PPP6R3: variants seen among roughly 807,000 people sequenced by gnomAD.
PPP6R3 encodes the protein serine/threonine-protein phosphatase 6 regulatory subunit 3.
PPP6R3 carries 38 observed loss-of-function variants against 110.7 expected under a neutral mutation model. That is an observed-to-expected ratio of 0.34 (90% CI 0.26 to 0.45). PPP6R3 has a LOEUF of 0.45. PPP6R3 is among the 20% of genes least tolerant of loss of function. The pLI is 1.00. For synonymous variants in PPP6R3, 369 were observed against 373.5 expected, an observed-to-expected ratio of 0.99 and a Z score of 0.14; for missense variants, 870 against 1,062.4, an observed-to-expected ratio of 0.82 and a Z score of 2.52.
rs760833599 is a variant in PPP6R3, at chr11:68,611,903, C to T, written c.2571-1163C>T. ...CCACAGTTCCTTGGATTGGCAGGCG[C>T]GCTGTTTCCTGTCACACTTAAAGAT... On this transcript the variant is annotated intron_variant, in intron 23 of 23. Transcript: ENST00000393800. 3.3e-5 allele frequency among the ~76,000 whole-genome samples: 5 copies of T among 152,350 alleles called. No homozygotes were observed. In the East Asian group the frequency reaches 5.8e-4, roughly 18 times the overall value.
At chr11:68,551,930 A>G (rs1161824058) in intron 6 of PPP6R3, among the ~76,000 whole-genome samples, 1 of 152,168 alleles carries the variant, frequency 6.6e-6, no homozygotes, top group Admixed American at 6.5e-5. Flanking sequence ...TATACTTCCT[A>G]GCCGTGGCTG....
At chr11:68,514,042 G>A (rs969268103) in intron 1 of PPP6R3, among the ~76,000 whole-genome samples, 2 of 152,284 alleles carry the variant, frequency 1.3e-5, no homozygotes, top group East Asian at 1.9e-4. Flanking sequence ...ATTACCACCC[G>A]TAGTTATACG....
rs78465274 is a variant in PPP6R3, at chr11:68,520,205, A to G, written c.-7+554A>G. Among the ~76,000 whole-genome samples the G allele has an allele frequency of 7.5e-3, 1,150 of 152,352 alleles. 5 individuals carry two copies. The highest frequency in any genetic ancestry group is 0.012 in the Non-Finnish European group (837 of 68,034). Reference sequence around the variant, plus strand: ...AGGTCCTTTTGGGGGACATGCAAACATAGTTAATCAAATTTCACTTGTCCC... The same window carrying G: ...AGGTCCTTTTGGGGGACATGCAAACGTAGTTAATCAAATTTCACTTGTCCC... On this transcript the variant is annotated intron_variant, in intron 2 of 23. Coordinates refer to ENST00000393800, the MANE Select transcript of PPP6R3 (RefSeq NM_001164161.2).
intron 15 of PPP6R3, among the ~76,000 whole-genome samples, chr11:68,584,578 C>T (rs1161021417): frequency 2.6e-5 from 4 of 152,200 alleles, no homozygotes; most frequent in Non-Finnish European, 5.9e-5. Flanking sequence ...TCAATTTAGT[C>T]TAGATTTGGT....
chr11:68,574,279 A>C (rs988739448), intron 13 of PPP6R3, 55 bp downstream of exon 13: 3 of 1,411,924 alleles, frequency 2.1e-6, no homozygotes, highest in Middle Eastern at 3.5e-4. Context: ...GGAAGGATTT[A>C]AGGGTCAAGT....
intron 10 of PPP6R3, among the ~76,000 whole-genome samples, chr11:68,568,329 G>A (rs188878815): frequency 5.9e-5 from 9 of 152,218 alleles, no homozygotes; most frequent in Non-Finnish European, 1.2e-4. Flanking sequence ...ACAATATACA[G>A]TTATTGTTAA....
intron 23 of PPP6R3, among the ~76,000 whole-genome samples, chr11:68,610,657 G>A (rs1183051567): frequency 6.6e-6 from 1 of 152,140 alleles, no homozygotes; most frequent in East Asian, 1.9e-4. Context: ...GCCACCCGGA[G>A]CCCATGCCAG....
chr11:68,561,791 G>A (rs2099423288), intron 8 of PPP6R3, among the ~76,000 whole-genome samples: 1 of 152,110 alleles, frequency 6.6e-6, no homozygotes, highest in Non-Finnish European at 1.5e-5. Flanking sequence ...TTGAGATAAG[G>A]CCTGCCATTC....
chr11:68,507,120 A>T (rs936047182), intron 1 of PPP6R3, among the ~76,000 whole-genome samples: 1 of 152,198 alleles, frequency 6.6e-6, no homozygotes, highest in Non-Finnish European at 1.5e-5. Context: ...TAGCCAAACA[A>T]TGATGTAGTC....
chr11:68,478,688 C>T (rs545903848), intron 1 of PPP6R3, among the ~76,000 whole-genome samples: 25 of 79,158 alleles, frequency 3.2e-4, no homozygotes, highest in South Asian at 1.7e-3. Flanking sequence ...GATGGAGTCT[C>T]GCTTTGTCGC....
chr11:68,540,388 G>A (rs995013081), intron 3 of PPP6R3, among the ~76,000 whole-genome samples: 2 of 152,206 alleles, frequency 1.3e-5, no homozygotes, highest in African/African-American at 4.8e-5. Context: ...GTTTTCAAAA[G>A]GGGAGGGAGT....
chr11:68,475,569 GCGGC>G (rs2098823564), intron 1 of PPP6R3, among the ~76,000 whole-genome samples: 4 of 151,122 alleles, frequency 2.6e-5, no homozygotes, highest in South Asian at 4.2e-4. Context: ...CCCGGACGGG[GCGGC>G]TGGCCGGGCG....
chr11:68,604,251 A>T (rs1938128919), intron 22 of PPP6R3, among the ~76,000 whole-genome samples: 1 of 152,260 alleles, frequency 6.6e-6, no homozygotes, highest in Non-Finnish European at 1.5e-5. Flanking sequence ...TTTTAAAGTC[A>T]TGACCAAGGA....
At chr11:68,602,279 C>T (rs890911237) in intron 21 of PPP6R3, among the ~76,000 whole-genome samples, 1 of 152,160 alleles carries the variant, frequency 6.6e-6, no homozygotes, top group African/African-American at 2.4e-5. Flanking sequence ...TGCAGCCAAG[C>T]CTGTGTGTAG....
chr11:68,558,737 A>G (rs2099408426), intron 8 of PPP6R3, 58 bp downstream of exon 8: 4 of 1,344,068 alleles, frequency 3.0e-6, no homozygotes, highest in Admixed American at 3.7e-5. Context: ...CAGATTTAAG[A>G]GTTAAATTCT....
At chr11:68,598,763 G>T (rs2099621661) in intron 19 of PPP6R3, among the ~76,000 whole-genome samples, 1 of 152,238 alleles carries the variant, frequency 6.6e-6, no homozygotes, top group East Asian at 1.9e-4. Flanking sequence ...TTTAGTTGTA[G>T]AGTAGAACTC....
chr11:68,593,681 C>T (rs1320129143), intron 18 of PPP6R3, among the ~76,000 whole-genome samples: 2 of 152,170 alleles, frequency 1.3e-5, no homozygotes, highest in East Asian at 1.9e-4. Flanking sequence ...AGAGTTAGTC[C>T]TAAATAACCA....
intron 2 of PPP6R3, among the ~76,000 whole-genome samples, chr11:68,519,884 G>A (rs1456224888): frequency 6.6e-6 from 1 of 152,184 alleles, no homozygotes; most frequent in African/African-American, 2.4e-5. Flanking sequence ...TAAGCTTATA[G>A]GGGGTTATTG....
At chr11:68,577,404 T>C (rs1332385051) in intron 14 of PPP6R3, among the ~76,000 whole-genome samples, 1 of 152,238 alleles carries the variant, frequency 6.6e-6, no homozygotes, top group African/African-American at 2.4e-5. Context: ...ATAGTCTCTT[T>C]TAAGGGGACT....
Sources: gnomAD v4.1 joint callset for allele counts (sites outside exome capture counted in the v4.1 genomes callset) on GRCh38, gnomAD v4.1.1 for gene constraint, MANE v1.5 for transcripts, NCBI Gene and HGNC (gene_info 2026-07-23, HGNC 2026-07-21) for gene names.